Variants in UTRN observed in about 807,000 individuals in gnomAD.
UTRN encodes the protein utrophin, also known as dystrophin-related protein 1.
Under a neutral mutation model 463.9 loss-of-function variants are expected in UTRN, and 283 were observed. That is an observed-to-expected ratio of 0.61 (90% CI 0.55 to 0.67). UTRN has a LOEUF of 0.67. Among genes scored for constraint, UTRN ranks in the 30% least tolerant of loss-of-function variants. UTRN has a pLI of 0.00. For missense variants in UTRN, 3,922 were observed against 4,084.3 expected, an observed-to-expected ratio of 0.96 and a Z score of 1.08; for synonymous variants, 1,442 against 1,431.5, an observed-to-expected ratio of 1.01 and a Z score of -0.17.
chr6:144,390,381 G>A (rs1261841724), intron 2 of UTRN, among the ~76,000 whole-genome samples: 3 of 151,904 alleles, frequency 2.0e-5, no homozygotes, highest in Non-Finnish European at 2.9e-5. Context: ...ACTTTCTTCC[G>A]GCCTCCCTCC....
chr6:144,819,877 G>GCCTCCT lies in UTRN; in HGVS notation c.9358-973_9358-968dup, dbSNP rs535515378. On this transcript the variant is annotated intron_variant, in intron 65 of 74. Coordinates refer to ENST00000367545, the MANE Select transcript of UTRN (RefSeq NM_007124.3). ...CCTTCTCCCCTTCTCCTCCTCCGCC[G>GCCTCCT]CCTCCTCCTCCTCCTCCTCCTCCTC... Among the ~76,000 whole-genome samples, 1,150 of 127,256 alleles carry GCCTCCT rather than the reference G, an allele frequency of 9.0e-3. 34 individuals are homozygous for GCCTCCT. Among genetic ancestry groups the GCCTCCT allele is most frequent in the African/African-American group, 0.034 (1,048 of 30,782 alleles). The allele number at this position is 127,256 out of a possible 152,430, so 83.5% of individuals were successfully genotyped here. A position where few individuals can be genotyped will look rare whatever the true frequency, so the allele number is the denominator to read the frequency against.
rs555649828 is a variant in UTRN at position 144,352,354 on chromosome 6, T to C, written c.80-50769T>C. Reference sequence around the variant, plus strand: ...ATAAACACCTTGAAATGAATTATTATATTTTACCTTTGCCCATGTGAATTC... The same window carrying C: ...ATAAACACCTTGAAATGAATTATTACATTTTACCTTTGCCCATGTGAATTC... On this transcript the variant is annotated intron_variant, in intron 2 of 74. Transcript: ENST00000367545. Among the ~76,000 whole-genome samples, 5 of 152,344 alleles carry C rather than the reference T, an allele frequency of 3.3e-5. No individual in the cohort carries two copies. The East Asian group carries it at 9.6e-4, about 29-fold the overall frequency.
chr6:144,487,933 C>G (rs537902215), intron 29 of UTRN, among the ~76,000 whole-genome samples: 61 of 152,272 alleles, frequency 4.0e-4, no homozygotes, highest in Admixed American at 2.3e-3. Context: ...CTTCTACTTA[C>G]AAACATTTAA....
rs550611775 is a variant in UTRN at position 144,498,852 on chromosome 6, C to G, written c.4594-405C>G. ...GTATTTTTTACAAAATGAGGTCTTTCATTTTGTAGAAAATGAGGTCATGTT... is the reference window on the plus strand; with the variant it reads ...GTATTTTTTACAAAATGAGGTCTTTGATTTTGTAGAAAATGAGGTCATGTT... On this transcript the variant is annotated intron_variant, in intron 33 of 74. Transcript: ENST00000367545. Among the ~76,000 whole-genome samples the G allele has an allele frequency of 7.9e-5, 12 of 152,118 alleles. No homozygotes were observed. The South Asian group carries it at 2.1e-3, about 26-fold the overall frequency.
At chr6:144,452,130 T>C (rs1238682883) in intron 18 of UTRN, among the ~76,000 whole-genome samples, 2 of 152,202 alleles carry the variant, frequency 1.3e-5, no homozygotes, top group Admixed American at 1.3e-4. Flanking sequence ...AATCAACTTG[T>C]AAAAAGTAGA....
At chr6:144,766,412 T>C (rs1235248279) in intron 58 of UTRN, among the ~76,000 whole-genome samples, 1 of 152,178 alleles carries the variant, frequency 6.6e-6, no homozygotes, top group East Asian at 1.9e-4. Context: ...TATATGTAAC[T>C]TCTATAAGTG....
intron 2 of UTRN, among the ~76,000 whole-genome samples, chr6:144,397,265 T>C (rs1043643771): frequency 5.3e-5 from 8 of 151,954 alleles, no homozygotes; most frequent in Admixed American, 3.3e-4. Flanking sequence ...AATGTTCCTC[T>C]GATGCTGAAC....
chr6:144,703,347 AAGTTAGAAGAAAGATCAGGATTAGAGATG>A (rs1487676840), intron 53 of UTRN, among the ~76,000 whole-genome samples: 3 of 152,200 alleles, frequency 2.0e-5, no homozygotes, highest in Admixed American at 6.5e-5. Context: ...TATAAATCTG[AAGTTAGAAGAAAGATCAGGATTAGAGATG>A]AGTTAGAAGA....
chr6:144,443,109 A>C (rs372524110), intron 13 of UTRN, among the ~76,000 whole-genome samples: 10 of 152,238 alleles, frequency 6.6e-5, no homozygotes, highest in East Asian at 3.8e-4. Flanking sequence ...GTATCTTTAC[A>C]AGTCTTTAAC....
At chr6:144,847,703 A>G (rs1782142149) in intron 74 of UTRN, among the ~76,000 whole-genome samples, 1 of 152,106 alleles carries the variant, frequency 6.6e-6, no homozygotes, top group African/African-American at 2.4e-5. Context: ...TTTTAGGGTA[A>G]AGATTTGGGG....
At chr6:144,729,988 TGTCA>T (rs748655797) in intron 53 of UTRN, among the ~76,000 whole-genome samples, 2 of 152,258 alleles carry the variant, frequency 1.3e-5, no homozygotes, top group South Asian at 2.1e-4. Context: ...GTAATTTTTT[TGTCA>T]GTCAGTCTTA....
At chr6:144,378,157 T>A (rs1352619082) in intron 2 of UTRN, among the ~76,000 whole-genome samples, 1 of 152,214 alleles carries the variant, frequency 6.6e-6, no homozygotes, top group Non-Finnish European at 1.5e-5. Context: ...CAGTGGATCA[T>A]CTTGATGATG....
At chr6:144,841,140 C>T (rs1417133648) in intron 73 of UTRN, among the ~76,000 whole-genome samples, 1 of 152,156 alleles carries the variant, frequency 6.6e-6, no homozygotes, top group South Asian at 2.1e-4. Flanking sequence ...CTCTTCGATG[C>T]AAGCTATCAT....
rs1787959982 is a variant in UTRN at position 144,727,127 on chromosome 6, G to A, written c.7810-3230G>A. Among the ~76,000 whole-genome samples, 4 of 152,080 alleles carry A rather than the reference G, an allele frequency of 2.6e-5. No homozygotes were observed. The South Asian group carries it at 8.3e-4, about 32-fold the overall frequency. ...TTTCTCCAACAAAAGATCTGGATTT[G>A]CCTGTAAAATATATGCCCCGTAATA... is the stretch of plus-strand genomic sequence containing the variant. On this transcript the variant is annotated intron_variant, in intron 53 of 74. Coordinates refer to ENST00000367545, the MANE Select transcript of UTRN (RefSeq NM_007124.3).
At chr6:144,814,898 A>G (rs1218447675) in intron 65 of UTRN, among the ~76,000 whole-genome samples, 1 of 152,240 alleles carries the variant, frequency 6.6e-6, no homozygotes. Context: ...GTTAAGTTAA[A>G]TCAGAAATTT....
intron 54 of UTRN, among the ~76,000 whole-genome samples, chr6:144,733,526 A>C (rs1019544173): frequency 7.0e-6 from 1 of 143,770 alleles, no homozygotes; most frequent in South Asian, 2.2e-4. Flanking sequence ...AAAAAAAAAA[A>C]ACTTTGTAAT....
intron 53 of UTRN, among the ~76,000 whole-genome samples, chr6:144,703,752 G>A (rs899048039): frequency 5.9e-5 from 9 of 152,112 alleles, no homozygotes; most frequent in African/African-American, 1.4e-4. Flanking sequence ...GTGGCATGAT[G>A]GAGTTGGAAG....
chr6:144,475,598 G>T (rs772329275), intron 25 of UTRN, among the ~76,000 whole-genome samples: 1 of 152,126 alleles, frequency 6.6e-6, no homozygotes, highest in Non-Finnish European at 1.5e-5. Flanking sequence ...ATCTTTTAAG[G>T]TCACTCTGGC....
At chr6:144,337,622 A>G (rs1268149939) in intron 2 of UTRN, among the ~76,000 whole-genome samples, 1 of 151,918 alleles carries the variant, frequency 6.6e-6, no homozygotes, top group Non-Finnish European at 1.5e-5. Flanking sequence ...TGTTATTATT[A>G]TTATTATTTT....
Sources: allele counts gnomAD v4.1 joint callset (sites outside exome capture counted in the v4.1 genomes callset), GRCh38; gene constraint gnomAD v4.1.1; transcripts MANE v1.5; gene names NCBI Gene and HGNC (gene_info 2026-07-23, HGNC 2026-07-21).